Variants in ITSN1 observed in about 807,000 individuals in gnomAD.
The protein encoded by ITSN1 is intersectin 1.
In ITSN1, 58 loss-of-function variants were observed where a neutral mutation model predicts 239.8. That is an observed-to-expected ratio of 0.24 (90% CI 0.20 to 0.30). ITSN1 has a LOEUF of 0.30. Ranked by LOEUF, ITSN1 falls within the 10% of genes least tolerant of loss-of-function variation. ITSN1 has a pLI of 1.00. For synonymous variants in ITSN1, 780 were observed against 770.8 expected (o/e 1.01, Z -0.20); for missense variants, 1,558 against 2,103.3 (o/e 0.74, Z 5.07).
At chr21:33,805,676 T>A (rs1569216314) in intron 20 of ITSN1, among the ~76,000 whole-genome samples, 3 of 151,978 alleles carry the variant, frequency 2.0e-5, no homozygotes, top group Non-Finnish European at 4.4e-5. Context: ...TTTGTTTGTT[T>A]ATTTTTTGTT....
chr21:33,878,278 C>T (rs1228864678), intron 34 of ITSN1, among the ~76,000 whole-genome samples: 1 of 152,126 alleles, frequency 6.6e-6, no homozygotes, highest in East Asian at 1.9e-4. Context: ...AGCGATCTGC[C>T]CGCCTTAACC....
At chr21:33,838,181 C>T (rs1250584638) in intron 29 of ITSN1, 4 of 985,406 alleles carry the variant, frequency 4.1e-6, no homozygotes, top group Non-Finnish European at 4.8e-6. Context: ...AAAATGCCTG[C>T]TGCTCACAGC....
At chr21:33,774,665 G>C in intron 12 of ITSN1, 64 bp from the exon 13 acceptor site, 1 of 1,476,176 alleles carries the variant, frequency 6.8e-7, no homozygotes, top group South Asian at 1.3e-5. Flanking sequence ...TGCCATTTTT[G>C]TGAAAAGACA....
chr21:33,673,916 C>T (rs1034871957), intron 1 of ITSN1, among the ~76,000 whole-genome samples: 8 of 152,174 alleles, frequency 5.3e-5, no homozygotes, highest in African/African-American at 1.9e-4. Flanking sequence ...GTACATCTTG[C>T]CCCAAATGGG....
intron 33 of ITSN1, among the ~76,000 whole-genome samples, chr21:33,874,655 T>TTTC (rs1430403668): frequency 1.7e-5 from 2 of 114,890 alleles, no homozygotes; most frequent in South Asian, 3.4e-4. Context: ...TTTTTCTTTC[T>TTTC]TTTTTTTTTT....
rs535419722 is a variant in ITSN1, at chr21:33,807,346, A to G, written c.2320-3629A>G. On this transcript the variant is annotated intron_variant, in intron 20 of 39. Coordinates refer to ENST00000381318, the MANE Select transcript of ITSN1 (RefSeq NM_003024.3). ...ACATTTCCCCAGGGCTTCAGGTCGC[A>G]TTCCAGATGTCCACCAGTGTCTCGC... 4.6e-5 allele frequency among the ~76,000 whole-genome samples: 7 copies of G among 152,290 alleles called. No individual in the cohort carries two copies. In the East Asian group the frequency reaches 9.6e-4, roughly 21 times the overall value.
At chr21:33,709,199 A>G (rs1421446197) in intron 1 of ITSN1, among the ~76,000 whole-genome samples, 3 of 152,202 alleles carry the variant, frequency 2.0e-5, no homozygotes, top group Non-Finnish European at 2.9e-5. Flanking sequence ...TGAATATACA[A>G]ACCCTTTGGA....
chr21:33,708,748 G>C (rs887316676), intron 1 of ITSN1, among the ~76,000 whole-genome samples: 6 of 152,136 alleles, frequency 3.9e-5, no homozygotes, highest in African/African-American at 1.2e-4. Flanking sequence ...CCTAAGTTCA[G>C]GAAGATATTC....
chr21:33,836,742 A>G, intron 29 of ITSN1, 110 bp downstream of exon 29: 4 of 913,130 alleles, frequency 4.4e-6, no homozygotes, highest in Admixed American at 4.9e-5. Context: ...AAGCTAGACC[A>G]TTGCTGCATT....
At chr21:33,835,155 G>A (rs1396484072) in intron 28 of ITSN1, among the ~76,000 whole-genome samples, 1 of 152,208 alleles carries the variant, frequency 6.6e-6, no homozygotes, top group Non-Finnish European at 1.5e-5. Context: ...TGTGCTGTAT[G>A]TACCCAGTGA....
In ITSN1 at chr21:33,819,947, A is replaced by C. The variant is rs1261241863; in HGVS notation, c.3016+624A>C. ...CAGTGAGCCGAGATTGCGCCACTGC[A>C]GTCCGCAGTCCGGCCTGGGCGACAG... On this transcript the variant is annotated intron_variant, in intron 24 of 39. Transcript: ENST00000381318. 2.0e-4 allele frequency among the ~76,000 whole-genome samples: 31 copies of C among 152,122 alleles called. 1 individual carries two copies.
At chr21:33,780,816 G>A (rs2070108807) in intron 14 of ITSN1, among the ~76,000 whole-genome samples, 1 of 152,098 alleles carries the variant, frequency 6.6e-6, no homozygotes, top group South Asian at 2.1e-4. Flanking sequence ...TACTGTTCTT[G>A]GCAAGTTAAC....
intron 4 of ITSN1, among the ~76,000 whole-genome samples, chr21:33,724,543 A>T (rs1440016459): frequency 1.3e-5 from 2 of 152,228 alleles, no homozygotes; most frequent in African/African-American, 4.8e-5. Flanking sequence ...TCTTCCGCAG[A>T]CTTAACTTCC....
At chr21:33,763,990 T>G (rs916700576) in intron 9 of ITSN1, among the ~76,000 whole-genome samples, 9 of 152,226 alleles carry the variant, frequency 5.9e-5, no homozygotes, top group Non-Finnish European at 1.2e-4. Context: ...GAGCTTGCCT[T>G]TGGCAGTAGA....
rs1391117577 is a variant in ITSN1 at position 33,735,027 on chromosome 21, A to G, written c.186-17A>G. 4 of 1,600,674 alleles carry G rather than the reference A, an allele frequency of 2.5e-6. No homozygotes were observed. The highest frequency in any genetic ancestry group is 3.4e-6 in the Non-Finnish European group (4 of 1,174,218). Reference sequence around the variant, plus strand: ...TTATGGTCACAGTTGTTCTCAGGCCATGCTGTTGGTTTGCAGGGCACTAGC... The same window carrying G: ...TTATGGTCACAGTTGTTCTCAGGCCGTGCTGTTGGTTTGCAGGGCACTAGC... On this transcript the variant is annotated splice_polypyrimidine_tract_variant and intron_variant, in intron 4 of 39. Transcript: ENST00000381318.
rs559453132 is a variant in ITSN1, at chr21:33,820,092, A to G, written c.3016+769A>G. Among the ~76,000 whole-genome samples the G allele has an allele frequency of 2.0e-5, 3 of 152,358 alleles. No homozygotes were observed. In the South Asian group the frequency reaches 6.2e-4, roughly 32 times the overall value. On this transcript the variant is annotated intron_variant, in intron 24 of 39. Coordinates refer to ENST00000381318, the MANE Select transcript of ITSN1 (RefSeq NM_003024.3). ...CCATCCCAAATGAAACTGAAACTCA[A>G]TTTCTGTGCTCCATGAAAACAATCA...
chr21:33,838,492 A>C (rs775325437), intron 29 of ITSN1: 6 of 976,250 alleles, frequency 6.1e-6, no homozygotes, highest in Non-Finnish European at 6.1e-6. Context: ...TCTTCATACA[A>C]AAGTTAGATG....
rs1159767613 is a variant in ITSN1, at chr21:33,897,954, G to A, written c.*9654G>A. Reference sequence around the variant, plus strand: ...ATGATAAATTTCAGTGTAATGGATGGTGGCGTGATCAAATGAAAAGTATCC... The same window carrying A: ...ATGATAAATTTCAGTGTAATGGATGATGGCGTGATCAAATGAAAAGTATCC... On this transcript the variant is annotated 3_prime_UTR_variant, in exon 40 of 40. Transcript: ENST00000381318. 1.3e-5 allele frequency: 2 copies of A among 152,066 alleles called. No individual in the cohort carries two copies. The highest frequency in any genetic ancestry group is 2.9e-5 in the Non-Finnish European group (2 of 68,014). 9.4% of individuals were successfully genotyped at this position (152,066 alleles called of 1,614,324 possible).
intron 17 of ITSN1, among the ~76,000 whole-genome samples, chr21:33,795,659 G>A (rs1022759017): frequency 1.3e-5 from 2 of 151,888 alleles, no homozygotes; most frequent in African/African-American, 4.8e-5. Context: ...GTCAGACTAA[G>A]GATCTCCTCC....
Sources: allele counts gnomAD v4.1 joint callset (sites outside exome capture counted in the v4.1 genomes callset), GRCh38; gene constraint gnomAD v4.1.1; transcripts MANE v1.5; gene names NCBI Gene and HGNC (gene_info 2026-07-23, HGNC 2026-07-21).